SAMD5: variants seen among roughly 807,000 people sequenced by gnomAD.
SAMD5 encodes sterile alpha motif domain-containing protein 5.
Under a neutral mutation model 11.3 loss-of-function variants are expected in SAMD5, and 13 were observed. The ratio of observed to expected loss-of-function variants is 1.15; its 90% CI spans 0.75 to 1.83. The LOEUF is 1.83. Ranked by LOEUF, SAMD5 falls within the 40% of genes most tolerant of loss-of-function variation. The pLI, the probability that SAMD5 is intolerant of heterozygous loss-of-function variation, is 0.00. For missense variants in SAMD5, 255 were observed against 239.1 expected, an observed-to-expected ratio of 1.07 and a Z score of -0.44; for synonymous variants, 129 against 111.3, an observed-to-expected ratio of 1.16 and a Z score of -1.00.
intron 1 of SAMD5, among the ~76,000 whole-genome samples, chr6:147,583,915 A>C (rs1429375658): frequency 1.3e-5 from 2 of 152,156 alleles, no homozygotes; most frequent in East Asian, 3.8e-4. Flanking sequence ...AATACATGAT[A>C]AAGTTCTTGA....
intron 1 of SAMD5, among the ~76,000 whole-genome samples, chr6:147,593,337 T>C (rs757992192): frequency 4.6e-5 from 7 of 152,084 alleles, no homozygotes; most frequent in Non-Finnish European, 1.0e-4. Flanking sequence ...AAATGTATGA[T>C]AAATGTATCA....
At chr6:147,705,209 C>A (rs1182006881) in intron 1 of SAMD5, among the ~76,000 whole-genome samples, 1 of 152,034 alleles carries the variant, frequency 6.6e-6, no homozygotes, top group Admixed American at 6.6e-5. Flanking sequence ...AAAACCATTC[C>A]CTTGGAAAGT....
At chr6:147,851,537 T>C in the SAMD5 span, among the ~76,000 whole-genome samples, 63 of 152,316 alleles carry the variant, frequency 4.1e-4, no homozygotes, top group African/African-American at 1.5e-3. Flanking sequence ...GGCTTGTGAA[T>C]AGAACCTCAG....
the SAMD5 span, among the ~76,000 whole-genome samples, chr6:147,839,235 T>G: frequency 1.3e-5 from 2 of 152,214 alleles, no homozygotes; most frequent in African/African-American, 4.8e-5. Context: ...ATCCTATTCT[T>G]TTCTCATCGT....
rs768075689 is a variant in SAMD5 at position 147,531,863 on chromosome 6, C to T, written c.459+22476C>T. 7.9e-5 allele frequency among the ~76,000 whole-genome samples: 12 copies of T among 151,968 alleles called. 1 individual carries two copies. Among genetic ancestry groups the T allele is most frequent in the South Asian group, 4.2e-4 (2 of 4,816 alleles). ...AAACGACCCATAATAGAAATTTGTA[C>T]GAGATTATATCATCAAACAGTTTTA... On this transcript the variant is annotated intron_variant, in intron 1 of 1. Transcript: ENST00000367474.
At position 147,614,798 on chromosome 6, in the gene SAMD5, C is replaced by G. The variant is rs142936978; in HGVS notation, c.162+105411C>G. ...ACTTTAAAATTCATCAAGCTGCATA[C>G]TTACTTCACTCAAGGTTTTTGCATT... On this transcript the variant is annotated intron_variant, in intron 1 of 1. Coordinates refer to the SAMD5 transcript ENST00000566741. Among the ~76,000 whole-genome samples the G allele has an allele frequency of 3.9e-5, 6 of 152,022 alleles. No individual in the cohort carries two copies. The East Asian group carries it at 1.2e-3, about 29-fold the overall frequency.
chr6:147,510,152 C>T (rs1788066476), intron 1 of SAMD5, among the ~76,000 whole-genome samples: 1 of 152,112 alleles, frequency 6.6e-6, no homozygotes, highest in South Asian at 2.1e-4. Flanking sequence ...GTGAGTGGAC[C>T]TGCATTTGGG....
chr6:147,625,719 A>G (rs1562336657), intron 1 of SAMD5, among the ~76,000 whole-genome samples: 2 of 152,138 alleles, frequency 1.3e-5, no homozygotes, highest in Admixed American at 6.5e-5. Context: ...GAAAACACAT[A>G]CACCACAAAA....
the SAMD5 span, among the ~76,000 whole-genome samples, chr6:147,836,972 G>C: frequency 6.6e-6 from 1 of 152,156 alleles, no homozygotes; most frequent in East Asian, 1.9e-4. Context: ...GAAGGGATTT[G>C]TTTCTGTAAA....
At chr6:147,884,270 A>G in the SAMD5 span, among the ~76,000 whole-genome samples, 2,493 of 152,252 alleles carry the variant, frequency 0.016, 59 homozygotes, top group African/African-American at 0.057. Context: ...GCATGGTCCA[A>G]GGTGGAACGG....
chr6:147,545,798 T>C (rs1788676843), intron 1 of SAMD5, among the ~76,000 whole-genome samples: 1 of 152,226 alleles, frequency 6.6e-6, no homozygotes, highest in South Asian at 2.1e-4. Context: ...TATACCTTTC[T>C]TTATATTTTA....
At chr6:147,707,168 T>A (rs1281301986) in intron 1 of SAMD5, among the ~76,000 whole-genome samples, 4 of 152,190 alleles carry the variant, frequency 2.6e-5, no homozygotes, top group African/African-American at 9.7e-5. Context: ...TATATATTGG[T>A]AAGAATATTG....
At chr6:147,871,889 G>T in the SAMD5 span, among the ~76,000 whole-genome samples, 6 of 152,016 alleles carry the variant, frequency 3.9e-5, no homozygotes, top group African/African-American at 1.4e-4. Context: ...CTAATATAGC[G>T]AATTAAATCT....
At chr6:147,868,119 G>T in the SAMD5 span, among the ~76,000 whole-genome samples, 1 of 152,166 alleles carries the variant, frequency 6.6e-6, no homozygotes, top group Admixed American at 6.5e-5. Context: ...GGAACAGATT[G>T]ATTTCCCTTT....
the SAMD5 span, among the ~76,000 whole-genome samples, chr6:147,758,879 G>A: frequency 6.6e-6 from 1 of 152,044 alleles, no homozygotes; most frequent in Non-Finnish European, 1.5e-5. Flanking sequence ...AGAATGGGGG[G>A]TACTCTAAAA....
At chr6:147,615,696 A>ACC (rs1789856140) in intron 1 of SAMD5, among the ~76,000 whole-genome samples, 1 of 152,238 alleles carries the variant, frequency 6.6e-6, no homozygotes, top group Non-Finnish European at 1.5e-5. Context: ...ATTAATAAAT[A>ACC]TTTAGTTCTT....
the SAMD5 span, among the ~76,000 whole-genome samples, chr6:147,909,575 T>C: frequency 2.2e-3 from 124 of 57,030 alleles, no homozygotes; most frequent in African/African-American, 0.012. Flanking sequence ...TTTCTTTCTT[T>C]CTTTCTTTCT....
At chr6:147,549,479 A>C in intron 1 of SAMD5, among the ~76,000 whole-genome samples, 1 of 152,166 alleles carries the variant, frequency 6.6e-6, no homozygotes, top group East Asian at 1.9e-4. Context: ...GGTGATGGAT[A>C]AATGTTTCTC....
the SAMD5 span, among the ~76,000 whole-genome samples, chr6:147,923,970 G>A: frequency 6.6e-6 from 1 of 152,180 alleles, no homozygotes; most frequent in African/African-American, 2.4e-5. Context: ...CAATGGTTAA[G>A]GAACTGGCTA....
Sources: gnomAD v4.1 joint callset for allele counts (sites outside exome capture counted in the v4.1 genomes callset) on GRCh38, gnomAD v4.1.1 for gene constraint, MANE v1.5 for transcripts, NCBI Gene and HGNC (gene_info 2026-07-23, HGNC 2026-07-21) for gene names.